The following NBEAL1 variants were observed in gnomAD, a reference collection of about 807,000 sequenced individuals.
NBEAL1 encodes the protein neurobeachin-like protein 1.
A neutral mutation model predicts 351.3 loss-of-function variants in NBEAL1; 273 were observed. The observed-to-expected ratio is 0.78, with a 90% CI of 0.70 to 0.86. The LOEUF (loss-of-function observed/expected upper bound fraction) is 0.86, where lower values mean the gene tolerates loss of function less well. NBEAL1 is among the 40% of genes least tolerant of loss of function. The pLI, the probability that NBEAL1 is intolerant of heterozygous loss-of-function variation, is 0.00. For synonymous variants in NBEAL1, 1,050 were observed against 1,086.4 expected (o/e 0.97, Z 0.66); for missense variants, 2,961 against 3,201.3 (o/e 0.92, Z 1.81).
At chr2:203,186,360 C>A (rs754989073) in intron 44 of NBEAL1, among the ~76,000 whole-genome samples, 3 of 152,140 alleles carry the variant, frequency 2.0e-5, no homozygotes, top group Admixed American at 1.3e-4. Context: ...GTTATTTGCC[C>A]CCACATGACA....
chr2:203,110,314 A>C, intron 15 of NBEAL1, 32 bp downstream of exon 15: 2 of 1,533,398 alleles, frequency 1.3e-6, no homozygotes, highest in Non-Finnish European at 1.8e-6. Context: ...TTTAACTTCT[A>C]GTATGGTTAA....
rs879218352 is a variant in NBEAL1, at chr2:203,190,135, CA to C, written c.6824-142del. ...TGGGCAACAGAGCAAGACTCTGTCTCAAAAAAAAAAAAAAAGATGTGTGTAC... is the reference window on the plus strand; with the variant it reads ...TGGGCAACAGAGCAAGACTCTGTCTCAAAAAAAAAAAAAAGATGTGTGTAC... On this transcript the variant is annotated intron_variant, in intron 45 of 55. Coordinates refer to ENST00000683969, the MANE Select transcript of NBEAL1 (RefSeq NM_001378026.1). Among the ~76,000 whole-genome samples the C allele has an allele frequency of 3.5e-3, 404 of 114,880 alleles. 7 individuals are homozygous for C. Among genetic ancestry groups the C allele is most frequent in the Middle Eastern group, 5.4e-3 (1 of 186 alleles). 75.4% of individuals were successfully genotyped at this position (114,880 alleles called of 152,430 possible).
chr2:203,071,399 T>C (rs1288726562), intron 7 of NBEAL1, among the ~76,000 whole-genome samples: 1 of 152,202 alleles, frequency 6.6e-6, no homozygotes, highest in Non-Finnish European at 1.5e-5. Context: ...ATCAAGGCTC[T>C]AGTTTTATGA....
intron 2 of NBEAL1, among the ~76,000 whole-genome samples, chr2:203,029,909 C>T (rs1013140724): frequency 2.6e-5 from 4 of 152,106 alleles, no homozygotes; most frequent in African/African-American, 9.7e-5. Context: ...TTGACTATGA[C>T]TTCATCTGAG....
chr2:203,123,586 G>T (rs1027712673), intron 19 of NBEAL1, among the ~76,000 whole-genome samples: 1 of 151,944 alleles, frequency 6.6e-6, no homozygotes, highest in African/African-American at 2.4e-5. Context: ...CGCCCACCTT[G>T]GCCTCTCAAA....
chr2:203,113,175 C>T lies in NBEAL1; in HGVS notation c.2363C>T (p.Ser788Leu). 1 of 1,551,860 alleles carries T rather than the reference C, an allele frequency of 6.4e-7. No homozygotes were observed. The highest frequency in any genetic ancestry group is 8.7e-7 in the Non-Finnish European group (1 of 1,146,936). ...TCCTGGGGAGGAACAATTGAAAAAT[C>T]AAAATTGATTACCAAATTGATATCA... ...SASWGGTIEK[S>L]KLITKLISAG... The change falls in exon 17 of 56, where the codon TCA becomes TTA. Residue 788 changes from serine (S) to leucine (L), a missense_variant. Physicochemically the swap from Ser to Leu is moderately radical, Grantham distance 145. Transcript: ENST00000683969.
intron 27 of NBEAL1, among the ~76,000 whole-genome samples, 160 bp from the exon 28 acceptor site, chr2:203,135,517 A>G (rs2063179821): frequency 6.6e-6 from 1 of 152,218 alleles, no homozygotes; most frequent in South Asian, 2.1e-4. Context: ...CCAGTCTTCC[A>G]AATAGTTTAT....
At chr2:203,046,077 G>A (rs1234359621) in intron 3 of NBEAL1, among the ~76,000 whole-genome samples, 6 of 152,118 alleles carry the variant, frequency 3.9e-5, no homozygotes, top group African/African-American at 1.4e-4. Flanking sequence ...CCCTTTGGGA[G>A]GCCAAGGTGG....
At chr2:203,209,878 A>G (rs1465055022) in intron 53 of NBEAL1, among the ~76,000 whole-genome samples, 1 of 151,892 alleles carries the variant, frequency 6.6e-6, no homozygotes, top group East Asian at 1.9e-4. Context: ...CCCCCTCAGT[A>G]GCTGGGACTA....
Position 203,145,151 on chromosome 2 carries a change from C to T in NBEAL1, c.5295C>T (p.Leu1765=). 2 of 1,598,710 alleles carry T rather than the reference C, an allele frequency of 1.3e-6. No homozygotes were observed. The highest frequency in any genetic ancestry group is 1.7e-6 in the Non-Finnish European group (2 of 1,176,036). ...ACCGGGAAGGAGGGGAAAGCAAGCT[C>T]AAATTTCAGGTAAAAAGTAAATGTT... ...KRDREGGESK[L]KFQELFVEPF... Residue 1765 remains leucine, a synonymous_variant, in exon 33 of 56, where the codon CTC becomes CTT. Transcript: ENST00000683969.
intron 31 of NBEAL1, among the ~76,000 whole-genome samples, chr2:203,142,869 G>A (rs1205893595): frequency 6.6e-6 from 1 of 152,074 alleles, no homozygotes; most frequent in African/African-American, 2.4e-5. Context: ...ATGGGTTGGG[G>A]GAAAATATGA....
rs954581129 is a variant in NBEAL1, at chr2:203,190,867, C to T, written c.6921+478C>T. ...AGTCGGTGCCACTTCTGCCCTGGCC[C>T]CCAAGATCGGCCCCCTGGGTCTGTC... On this transcript the variant is annotated intron_variant, in intron 46 of 55. Transcript: ENST00000683969. The T allele has an allele frequency of 6.8e-6, 11 of 1,611,156 alleles. 1 individual carries two copies. In the Admixed American group the frequency reaches 1.2e-4, roughly 17 times the overall value.
At chr2:203,168,766 C>T (rs2106401995) in intron 38 of NBEAL1, among the ~76,000 whole-genome samples, 1 of 151,030 alleles carries the variant, frequency 6.6e-6, no homozygotes, top group South Asian at 2.1e-4. Flanking sequence ...TGGTGATGCA[C>T]ACCTGTAATG....
intron 43 of NBEAL1, chr2:203,182,611 G>A (rs2064752070): frequency 6.6e-6 from 1 of 152,178 alleles, no homozygotes; most frequent in Admixed American, 6.5e-5. Flanking sequence ...AAGACCCTGT[G>A]CATTCTGTCA....
At position 203,144,809 on chromosome 2, in the gene NBEAL1, A is replaced by G. The variant is rs763852645; in HGVS notation, c.5058A>G (p.Leu1686=). The part of the protein sequence containing the change: ...IYELLFMNLH[L]PSLPFTNGSS... The stretch of plus-strand genomic sequence containing the variant: ...AGCTTCTCTTCATGAACTTGCACCT[A>G]CCTTCTTTACCTTTTACCAATGGTA... Residue 1686 remains leucine, a synonymous_variant, in exon 32 of 56, where the codon CTA becomes CTG. Transcript: ENST00000683969. The G allele has an allele frequency of 8.7e-6, 14 of 1,613,780 alleles. No homozygotes were observed. The highest frequency in any genetic ancestry group is 6.7e-5 in the East Asian group (3 of 44,874).
At chr2:203,168,851 G>A (rs967091863) in intron 38 of NBEAL1, among the ~76,000 whole-genome samples, 19 of 127,094 alleles carry the variant, frequency 1.5e-4, no homozygotes, top group African/African-American at 5.3e-4. Flanking sequence ...CCGAGATCAC[G>A]CCAGTGCACT....
Position 203,223,056 on chromosome 2 carries a change from ATTT to A in NBEAL1, c.*5703_*5705del, listed in dbSNP as rs2065968266. On this transcript the variant is annotated 3_prime_UTR_variant, in exon 56 of 56. Coordinates refer to ENST00000683969, the MANE Select transcript of NBEAL1 (RefSeq NM_001378026.1). ...ATAGTGGCTGTATTATCAGATACTT[ATTT>A]GATTATAGTAATTCATCAGACACAT... is the stretch of plus-strand genomic sequence containing the variant. 6.6e-6 allele frequency among the ~76,000 whole-genome samples: 1 copy of A among 152,150 alleles called. No individual in the cohort carries two copies. The highest frequency in any genetic ancestry group is 1.5e-5 in the Non-Finnish European group (1 of 68,000).
At chr2:203,034,232 A>T (rs533501154) in intron 2 of NBEAL1, among the ~76,000 whole-genome samples, 17 of 148,760 alleles carry the variant, frequency 1.1e-4, no homozygotes, top group African/African-American at 3.5e-4. Context: ...ATCTTGGCTC[A>T]CTGCAACCTC....
At position 203,164,470 on chromosome 2, in the gene NBEAL1, A is replaced by G. The variant is rs555676845; in HGVS notation, c.5715-1679A>G. 3.3e-5 allele frequency among the ~76,000 whole-genome samples: 5 copies of G among 152,098 alleles called. No individual in the cohort carries two copies. The South Asian group carries it at 1.0e-3, about 32-fold the overall frequency. ...TCTTTCTTTGATGACTAGTGAATTT[A>G]ATGGATGTCAGACTCATTTGTTTTA... On this transcript the variant is annotated intron_variant, in intron 36 of 55. Transcript: ENST00000683969.
Sources: allele counts gnomAD v4.1 joint callset (sites outside exome capture counted in the v4.1 genomes callset), GRCh38; gene constraint gnomAD v4.1.1; transcripts MANE v1.5; gene names NCBI Gene and HGNC (gene_info 2026-07-23, HGNC 2026-07-21).